Variants in ERC1 observed in about 807,000 individuals in gnomAD.
ERC1 encodes the protein ELKS/RAB6-interacting/CAST family member 1, also known as RAB6 interacting protein 2.
In ERC1, 56 loss-of-function variants were observed where a neutral mutation model predicts 132.0. That is an observed-to-expected ratio of 0.42 (90% CI 0.34 to 0.53). The LOEUF (loss-of-function observed/expected upper bound fraction) is 0.53. Among genes scored for constraint, ERC1 ranks in the 20% least tolerant of loss-of-function variants. The pLI is 0.03. For missense variants in ERC1, 1,202 were observed against 1,349.9 expected (o/e 0.89, Z 1.72); for synonymous variants, 478 against 476.1 (o/e 1.00, Z -0.05).
At chr12:1,252,561 G>A (rs951832265) in intron 13 of ERC1, among the ~76,000 whole-genome samples, 4 of 152,094 alleles carry the variant, frequency 2.6e-5, no homozygotes, top group African/African-American at 9.7e-5. Context: ...TTGATATAAA[G>A]CATCATTTTT....
intron 18 of ERC1, among the ~76,000 whole-genome samples, chr12:1,474,909 G>A (rs187079316): frequency 1.5e-3 from 222 of 152,232 alleles, no homozygotes; most frequent in South Asian, 5.6e-3. Context: ...TGCTGCATAC[G>A]CTTCCAGCCT....
At chr12:1,101,199 T>G (rs914818993) in intron 3 of ERC1, among the ~76,000 whole-genome samples, 1 of 152,198 alleles carries the variant, frequency 6.6e-6, no homozygotes, top group Admixed American at 6.5e-5. Context: ...TATTTCTCAT[T>G]ATTATATCTC....
rs1357505327 is a variant in ERC1, at chr12:1,400,932, T to A, written c.2926-7217T>A. ...TATTTTTGTATTTTTTTTTTTTTTT[T>A]TTTTTTTTTTTTTTTTTTTTTGTGA... On this transcript the variant is annotated intron_variant, in intron 16 of 18. Transcript: ENST00000360905. Among the ~76,000 whole-genome samples, 53 of 99,952 alleles carry A rather than the reference T, an allele frequency of 5.3e-4. 1 individual carries two copies. The highest frequency in any genetic ancestry group is 1.6e-3 in the African/African-American group (42 of 25,740). 65.6% of individuals were successfully genotyped at this position (99,952 alleles called of 152,430 possible).
At chr12:1,060,724 A>AT (rs35393938) in intron 2 of ERC1, among the ~76,000 whole-genome samples, 17 of 109,104 alleles carry the variant, frequency 1.6e-4, no homozygotes, top group African/African-American at 3.4e-4. Context: ...AACGTGGGAA[A>AT]TTTTTTTTTT....
At chr12:1,290,266 A>C (rs2079347956) in intron 15 of ERC1, among the ~76,000 whole-genome samples, 1 of 152,212 alleles carries the variant, frequency 6.6e-6, no homozygotes, top group African/African-American at 2.4e-5. Context: ...TACCTCTCTG[A>C]AATTCCTAAA....
At chr12:996,347 G>A (rs894347035) in intron 1 of ERC1, among the ~76,000 whole-genome samples, 7 of 145,894 alleles carry the variant, frequency 4.8e-5, no homozygotes, top group Non-Finnish European at 7.5e-5. Context: ...CATGATCCGC[G>A]CGCCTTGGCC....
chr12:1,149,614 G>A (rs1168744719), intron 8 of ERC1, among the ~76,000 whole-genome samples: 1 of 151,992 alleles, frequency 6.6e-6, no homozygotes, highest in Non-Finnish European at 1.5e-5. Flanking sequence ...GGCCAGGCTG[G>A]TCTCGAACTC....
intron 8 of ERC1, among the ~76,000 whole-genome samples, chr12:1,167,560 T>C (rs1952545861): frequency 6.6e-6 from 1 of 152,208 alleles, no homozygotes; most frequent in Non-Finnish European, 1.5e-5. Context: ...TTTTGTTCTT[T>C]ATCTGTTTTA....
At position 1,219,781 on chromosome 12, in the gene ERC1, G is replaced by GCA. The variant is rs556594089; in HGVS notation, c.2352-16984_2352-16983dup. Among the ~76,000 whole-genome samples, 5 of 152,064 alleles carry GCA rather than the reference G, an allele frequency of 3.3e-5. No homozygotes were observed. The South Asian group carries it at 6.2e-4, about 19-fold the overall frequency. ...CTCCCAAGTAGCTGGGACTACAGGT[G>GCA]CACACCAACCATGCCTGGCTAATTT... On this transcript the variant is annotated intron_variant, in intron 12 of 18. Transcript: ENST00000360905.
chr12:1,182,021 A>T lies in ERC1; in HGVS notation c.1972A>T (p.Lys658Ter). ...DNYKKDLKDL[K>*]EKVSLLQGDL... ...CTACAAAAAAGATCTTAAAGACTTG[A>T]AGGAAAAAGTCAGCCTGTTGCAAGG... Residue 658 changes from lysine (K) to a stop codon, truncating the protein, a stop_gained, in exon 10 of 19, where the codon AAG becomes TAG. Transcript: ENST00000360905. LOFTEE classifies it high-confidence loss of function. The T allele has an allele frequency of 6.2e-7, 1 of 1,614,154 alleles. No individual in the cohort carries two copies. The highest frequency in any genetic ancestry group is 8.5e-7 in the Non-Finnish European group (1 of 1,179,998).
At chr12:1,186,585 G>C (rs1198086882) in intron 11 of ERC1, among the ~76,000 whole-genome samples, 1 of 152,146 alleles carries the variant, frequency 6.6e-6, no homozygotes, top group African/African-American at 2.4e-5. Flanking sequence ...TTTTGCTTCT[G>C]AATGTTCTTG....
chr12:1,081,913 A>C (rs960106903), intron 2 of ERC1, among the ~76,000 whole-genome samples: 2 of 152,222 alleles, frequency 1.3e-5, no homozygotes, highest in African/African-American at 4.8e-5. Context: ...AAATAACATA[A>C]AAAATGTGTG....
At chr12:1,287,576 G>A (rs1349845809) in intron 14 of ERC1, among the ~76,000 whole-genome samples, 1 of 152,230 alleles carries the variant, frequency 6.6e-6, no homozygotes, top group East Asian at 1.9e-4. Flanking sequence ...TCCCAAGTGA[G>A]AGAGAATTCC....
chr12:1,020,866 G>A (rs930907863), intron 1 of ERC1: 2 of 152,134 alleles, frequency 1.3e-5, no homozygotes, highest in African/African-American at 2.4e-5. Context: ...TTGAAGGGAG[G>A]AGCATTAAAT....
chr12:1,247,591 T>C (rs2076231611), intron 13 of ERC1, among the ~76,000 whole-genome samples: 1 of 152,250 alleles, frequency 6.6e-6, no homozygotes, highest in Non-Finnish European at 1.5e-5. Context: ...AATGTCTTAC[T>C]ACCAAAATTA....
rs2094344397 is a variant in ERC1 at position 1,494,500 on chromosome 12, C to G, written c.*4270C>G. ...AGGGAAATCCTTCTGAACAAAATGG[C>G]TATCTTCACCTACTCTTCAGCAAAA... On this transcript the variant is annotated 3_prime_UTR_variant, in exon 19 of 19. Transcript: ENST00000360905. The G allele has an allele frequency of 4.3e-6, 1 of 231,936 alleles. No homozygotes were observed. Among genetic ancestry groups the G allele is most frequent in the East Asian group, 6.1e-5 (1 of 16,394 alleles). The allele number at this position is 231,936 out of a possible 1,614,324, so 14.4% of individuals were successfully genotyped here.
At chr12:1,395,474 A>G (rs1365867394) in intron 16 of ERC1, among the ~76,000 whole-genome samples, 2 of 151,690 alleles carry the variant, frequency 1.3e-5, no homozygotes, top group African/African-American at 4.9e-5. Context: ...ATATGTTTGA[A>G]GAGAGAAAAT....
chr12:1,400,908 A>ATTTTTTTTTTTTTTTTTTTTT (rs2090967822), intron 16 of ERC1, among the ~76,000 whole-genome samples: 2 of 43,400 alleles, frequency 4.6e-5, no homozygotes, highest in African/African-American at 6.7e-5. Context: ...TGTTTTGGCT[A>ATTTTTTTTTTTTTTTTTTTTT]TTTTTGTATT....
At chr12:1,303,230 A>C (rs2080548282) in intron 15 of ERC1, among the ~76,000 whole-genome samples, 1 of 152,164 alleles carries the variant, frequency 6.6e-6, no homozygotes, top group Non-Finnish European at 1.5e-5. Context: ...TTGCCACATC[A>C]ATGGACTCTT....
Sources: gnomAD v4.1 joint callset for allele counts (sites outside exome capture counted in the v4.1 genomes callset) on GRCh38, gnomAD v4.1.1 for gene constraint, MANE v1.5 for transcripts, NCBI Gene and HGNC (gene_info 2026-07-23, HGNC 2026-07-21) for gene names.